Variants in TMEM175 observed in about 807,000 individuals in gnomAD.
TMEM175 encodes the protein transmembrane protein 175.
In TMEM175, 36 loss-of-function variants were observed where a neutral mutation model predicts 36.5. That is an observed-to-expected ratio of 0.99 (90% CI 0.76 to 1.30). The LOEUF is 1.30. Ranked by LOEUF, TMEM175 falls within the 50% of genes most tolerant of loss-of-function variation. The pLI is 0.00. For synonymous variants in TMEM175, 339 were observed against 313.4 expected (o/e 1.08, Z -0.86); for missense variants, 705 against 692.8 (o/e 1.02, Z -0.20).
chr4:937,017 T>G (rs1726869403), intron 1 of TMEM175, among the ~76,000 whole-genome samples: 1 of 152,020 alleles, frequency 6.6e-6, no homozygotes, highest in Non-Finnish European at 1.5e-5. Context: ...ATGCATACAA[T>G]TAAGGCATTG....
intron 3 of TMEM175, chr4:948,752 G>A (rs1728503763): frequency 4.9e-6 from 5 of 1,012,718 alleles, no homozygotes; most frequent in African/African-American, 1.7e-5. Context: ...CCTCATGACA[G>A]GGTCGTGCGG....
chr4:954,323 G>A (rs1210909394), intron 8 of TMEM175, among the ~76,000 whole-genome samples: 3 of 152,230 alleles, frequency 2.0e-5, no homozygotes, highest in Non-Finnish European at 4.4e-5. Flanking sequence ...ACAAAACTGT[G>A]TCAGGACAGT....
In TMEM175 at chr4:958,566, G is replaced by C. The variant is rs1226848617; in HGVS notation, c.*70G>C. ...AGGGAGGACAGGATGCTGGGCAGGG[G>C]AAGCCAAGTCACGGGCAGGCCGCAG... On this transcript the variant is annotated 3_prime_UTR_variant, in exon 11 of 11. Coordinates refer to ENST00000264771, the MANE Select transcript of TMEM175 (RefSeq NM_032326.4). 1 of 1,337,128 alleles carries C rather than the reference G, an allele frequency of 7.5e-7. No homozygotes were observed. The highest frequency in any genetic ancestry group is 9.9e-7 in the Non-Finnish European group (1 of 1,009,438). The allele number at this position is 1,337,128 out of a possible 1,614,324, so 82.8% of individuals were successfully genotyped here.
chr4:947,554 C>T (rs560298955), intron 1 of TMEM175, among the ~76,000 whole-genome samples, 155 bp from the exon 2 acceptor site: 32 of 152,142 alleles, frequency 2.1e-4, no homozygotes, highest in Non-Finnish European at 4.3e-4. Flanking sequence ...TTGAGGGGCA[C>T]CTGGGAGAGG....
chr4:943,300 G>A (rs752480935), intron 1 of TMEM175, among the ~76,000 whole-genome samples: 4 of 152,106 alleles, frequency 2.6e-5, no homozygotes, highest in Non-Finnish European at 5.9e-5. Context: ...CTCCCAGCCT[G>A]GAGTGCAGTG....
In TMEM175 at chr4:948,168, C is replaced by T; in HGVS notation, c.192+14C>T. ...TCCCCAGAACAGGTAACGGGGCAGGCTGTGCTCTGCGTGGTGTGGCCCTGC... is the reference window on the plus strand; with the variant it reads ...TCCCCAGAACAGGTAACGGGGCAGGTTGTGCTCTGCGTGGTGTGGCCCTGC... On this transcript the variant is annotated intron_variant, in intron 3 of 10. Transcript: ENST00000264771. 1 of 1,614,126 alleles carries T rather than the reference C, an allele frequency of 6.2e-7. No homozygotes were observed. Among genetic ancestry groups the T allele is most frequent in the Non-Finnish European group, 8.5e-7 (1 of 1,180,020 alleles).
Position 953,220 on chromosome 4 carries a change from C to G in TMEM175, c.493C>G (p.Pro165Ala), listed in dbSNP as rs146234606. 2.5e-5 allele frequency: 41 copies of G among 1,612,972 alleles called. No individual in the cohort carries two copies. In the African/African-American group the frequency reaches 3.5e-4, roughly 14 times the overall value. The change falls in exon 8 of 11, where the codon CCG becomes GCG. Residue 165 changes from proline to alanine, a missense_variant. Coordinates refer to ENST00000264771, the MANE Select transcript of TMEM175 (RefSeq NM_032326.4). ...GATTGTGGGGTACGCATTCCACTTC[C>G]CGCACCTGCTGAGCCCGCAGATCCA... Reference protein sequence around the residue: ...ALIVGYAFHFPHLLSPQIQRS... With the variant: ...ALIVGYAFHFAHLLSPQIQRS...
intron 1 of TMEM175, among the ~76,000 whole-genome samples, chr4:934,147 A>C (rs950947320): frequency 1.3e-4 from 20 of 152,272 alleles, no homozygotes; most frequent in Admixed American, 7.9e-4. Flanking sequence ...GTGGAATAGA[A>C]GGATAGAGAG....
chr4:947,158 C>T lies in TMEM175; in HGVS notation c.-31-551C>T, dbSNP rs559536862. ...GCGCAGCCCCTGTAGGAGACAGCCC[C>T]AGGCATACGTGCACAGGTGCCGAGA... On this transcript the variant is annotated intron_variant, in intron 1 of 10. Coordinates refer to ENST00000264771, the MANE Select transcript of TMEM175 (RefSeq NM_032326.4). Among the ~76,000 whole-genome samples, 3 of 148,780 alleles carry T rather than the reference C, an allele frequency of 2.0e-5. No individual in the cohort carries two copies. The East Asian group carries it at 6.1e-4, about 30-fold the overall frequency.
chr4:955,319 C>T, intron 8 of TMEM175, 86 bp from the exon 9 acceptor site: 1 of 1,055,796 alleles, frequency 9.5e-7, no homozygotes, highest in Admixed American at 1.8e-5. Context: ...TGCCGCAGCC[C>T]CTGCTTTGGC....
intron 1 of TMEM175, among the ~76,000 whole-genome samples, chr4:947,308 G>A (rs1473688087): frequency 6.6e-6 from 1 of 151,416 alleles, no homozygotes; most frequent in Non-Finnish European, 1.5e-5. Context: ...ACGTGTGCAC[G>A]GGCCCTGTAG....
chr4:950,564 TC>T (rs1446008129), intron 4 of TMEM175, 46 bp downstream of exon 4: 31 of 1,426,688 alleles, frequency 2.2e-5, no homozygotes, highest in Non-Finnish European at 3.0e-5. Flanking sequence ...CTCTCAAGGT[TC>T]CCGTACCCCG....
chr4:935,484 C>T (rs781060471), intron 1 of TMEM175, among the ~76,000 whole-genome samples: 2 of 152,114 alleles, frequency 1.3e-5, no homozygotes, highest in Non-Finnish European at 2.9e-5. Flanking sequence ...ACTTGATAAT[C>T]CTAAACATTT....
At chr4:952,592 T>C (rs1729067723) in intron 7 of TMEM175, 142 bp downstream of exon 7, 6 of 669,366 alleles carry the variant, frequency 9.0e-6, no homozygotes, top group South Asian at 8.7e-5. Context: ...TGTGTGTGTG[T>C]TCACCATCAG....
In TMEM175 at chr4:953,277, C is replaced by T; in HGVS notation, c.550C>T (p.His184Tyr). Residue 184 changes from histidine (H) to tyrosine (Y), a missense_variant, in exon 8 of 11, where the codon CAC becomes TAC. By Grantham distance (83) the His-to-Tyr change is moderately conservative (BLOSUM62 2). Coordinates refer to ENST00000264771, the MANE Select transcript of TMEM175 (RefSeq NM_032326.4). ...RSAHRALYRR[H>Y]VLGIVLQGPA... The stretch of plus-strand genomic sequence containing the variant: ...TGCCCACAGGGCTCTGTACCGACGA[C>T]ACGTCCTGGGCATCGTCCTCCAAGG... 10 of 1,614,112 alleles carry T rather than the reference C, an allele frequency of 6.2e-6. No homozygotes were observed. The highest frequency in any genetic ancestry group is 2.2e-5 in the East Asian group (1 of 44,880).
Position 952,462 on chromosome 4 carries a change from G to C in TMEM175, c.462+12G>C. On this transcript the variant is annotated intron_variant, in intron 7 of 10. Coordinates refer to ENST00000264771, the MANE Select transcript of TMEM175 (RefSeq NM_032326.4). ...TTGGGGTCGTGCAGGTAGGGGGCCT[G>C]GGGGGCCTGCACTGTGTGTGTGTGT... 1.3e-6 allele frequency: 2 copies of C among 1,571,840 alleles called. No individual in the cohort carries two copies. The highest frequency in any genetic ancestry group is 1.7e-6 in the Non-Finnish European group (2 of 1,159,592).
Position 958,140 on chromosome 4 carries a change from A to C in TMEM175, c.1159A>C (p.Ser387Arg). ...RVSCTIIFLA[S>R]IFQLAMWTTA... ...CAGCTGCACCATCATCTTCCTGGCC[A>C]GCATCTTCCAGCTGGCCATGTGGAC... Residue 387 changes from serine (S) to arginine (R), a missense_variant, in exon 11 of 11, where the codon AGC becomes CGC. By Grantham distance (110) the Ser-to-Arg change is moderately radical (BLOSUM62 -1). Coordinates refer to ENST00000264771, the MANE Select transcript of TMEM175 (RefSeq NM_032326.4). 1 of 1,603,068 alleles carries C rather than the reference A, an allele frequency of 6.2e-7. No individual in the cohort carries two copies. Among genetic ancestry groups the C allele is most frequent in the Non-Finnish European group, 8.5e-7 (1 of 1,179,600 alleles).
intron 5 of TMEM175, 40 bp from the exon 6 acceptor site, chr4:951,642 C>G (rs761353460): frequency 3.1e-6 from 5 of 1,613,870 alleles, no homozygotes; most frequent in Non-Finnish European, 4.2e-6. Flanking sequence ...GCCCTTCTCC[C>G]CAGGCCGCAT....
intron 10 of TMEM175, chr4:956,591 CA>C: frequency 4.6e-6 from 3 of 654,426 alleles, no homozygotes; most frequent in Non-Finnish European, 6.7e-6. Flanking sequence ...TACAAGCACC[CA>C]CCACCATGCC....
Sources: gnomAD v4.1 joint callset for allele counts (sites outside exome capture counted in the v4.1 genomes callset) on GRCh38, gnomAD v4.1.1 for gene constraint, MANE v1.5 for transcripts, NCBI Gene and HGNC (gene_info 2026-07-23, HGNC 2026-07-21) for gene names.